Variants in DMXL2 observed in about 807,000 individuals in gnomAD.
DMXL2 encodes Dmx like 2, also known as dmX-like protein 2.
DMXL2 carries 103 observed loss-of-function variants against 331.1 expected under a neutral mutation model. The observed-to-expected ratio is 0.31, with a 90% CI of 0.27 to 0.37. The LOEUF (loss-of-function observed/expected upper bound fraction) is 0.37. Among genes scored for constraint, DMXL2 ranks in the 10% least tolerant of loss-of-function variants. The pLI is 1.00. For missense variants in DMXL2, 3,171 were observed against 3,642.9 expected (o/e 0.87, Z 3.33); for synonymous variants, 1,281 against 1,252.1 (o/e 1.02, Z -0.49).
chr15:51,569,719 C>G (rs954053192), intron 2 of DMXL2, among the ~76,000 whole-genome samples: 1 of 152,196 alleles, frequency 6.6e-6, no homozygotes, highest in East Asian at 1.9e-4. Flanking sequence ...CAAACTCTAG[C>G]AGACCTGCAG....
In DMXL2 at chr15:51,448,879, A is replaced by C; in HGVS notation, c.*105T>G. 4.8e-5 allele frequency: 55 copies of C among 1,153,438 alleles called. No homozygotes were observed. The highest frequency in any genetic ancestry group is 5.8e-5 in the Non-Finnish European group (47 of 805,458). The allele number at this position is 1,153,438 out of a possible 1,614,324, so 71.5% of individuals were successfully genotyped here. ...CTTGGGTCATATTCAAATTCTACAC[A>C]GAGATTCTCTGTTTTCAATACAACT... On this transcript the variant is annotated 3_prime_UTR_variant, in exon 44 of 44. Transcript: ENST00000560891.
At chr15:51,600,012 C>G (rs1009360988) in intron 1 of DMXL2, among the ~76,000 whole-genome samples, 10 of 152,194 alleles carry the variant, frequency 6.6e-5, no homozygotes, top group African/African-American at 2.4e-4. Context: ...TTCCCACTTT[C>G]TACACTTGTA....
intron 1 of DMXL2, among the ~76,000 whole-genome samples, chr15:51,592,511 G>A (rs2052452275): frequency 6.6e-6 from 1 of 152,166 alleles, no homozygotes; most frequent in African/African-American, 2.4e-5. Flanking sequence ...TTATCCAGGA[G>A]AACTTCCCCA....
At chr15:51,582,350 C>T (rs556521309) in intron 1 of DMXL2, among the ~76,000 whole-genome samples, 5 of 152,224 alleles carry the variant, frequency 3.3e-5, no homozygotes, top group African/African-American at 7.2e-5. Flanking sequence ...TCTATCGTTT[C>T]GTTTTCTGTT....
chr15:51,524,162 G>T (rs1447791821), intron 13 of DMXL2, among the ~76,000 whole-genome samples: 3 of 152,190 alleles, frequency 2.0e-5, no homozygotes, highest in Non-Finnish European at 4.4e-5. Flanking sequence ...AATCAAACTA[G>T]AAATCAGTAA....
At chr15:51,577,312 G>A (rs1237020797) in intron 1 of DMXL2, among the ~76,000 whole-genome samples, 1 of 152,058 alleles carries the variant, frequency 6.6e-6, no homozygotes, top group Admixed American at 6.6e-5. Context: ...TCCATATAAG[G>A]CTGCTAATGA....
chr15:51,505,846 C>G (rs1417234587), intron 16 of DMXL2, among the ~76,000 whole-genome samples: 1 of 152,122 alleles, frequency 6.6e-6, no homozygotes, highest in Non-Finnish European at 1.5e-5. Context: ...TCTTACAACT[C>G]AAATATTTTG....
chr15:51,469,916 A>C (rs983822174), intron 29 of DMXL2, among the ~76,000 whole-genome samples: 7 of 152,170 alleles, frequency 4.6e-5, no homozygotes, highest in Non-Finnish European at 8.8e-5. Flanking sequence ...GTAAACCTGG[A>C]AATCTGCACT....
chr15:51,492,367 C>T (rs2042870789), intron 19 of DMXL2, among the ~76,000 whole-genome samples: 1 of 152,216 alleles, frequency 6.6e-6, no homozygotes, highest in Non-Finnish European at 1.5e-5. Context: ...GTAAGAGTTC[C>T]AGAAAATAAT....
Position 51,535,658 on chromosome 15 carries a change from C to A in DMXL2, c.2436+5G>T. The stretch of plus-strand genomic sequence containing the variant: ...ATAAATTAATAAAGATTATTAAATA[C>A]TTACTGAAGATTCTGGGTCTGACAA... On this transcript the variant is annotated splice_donor_5th_base_variant and intron_variant, in intron 13 of 43. Transcript: ENST00000560891. 6.3e-7 allele frequency: 1 copy of A among 1,587,986 alleles called. No individual in the cohort carries two copies. The highest frequency in any genetic ancestry group is 1.2e-5 in the South Asian group (1 of 86,186).
intron 9 of DMXL2, among the ~76,000 whole-genome samples, chr15:51,541,408 A>G (rs2048587533): frequency 6.6e-6 from 1 of 152,128 alleles, no homozygotes; most frequent in South Asian, 2.1e-4. Context: ...AATATTTTTC[A>G]TTATTTTTTA....
intron 7 of DMXL2, among the ~76,000 whole-genome samples, chr15:51,546,782 A>G (rs544822239): frequency 4.6e-5 from 7 of 152,276 alleles, no homozygotes; most frequent in African/African-American, 1.7e-4. Flanking sequence ...TTTTCAGAGT[A>G]CATTATATGC....
At chr15:51,587,415 A>G (rs1029429752) in intron 1 of DMXL2, among the ~76,000 whole-genome samples, 4 of 151,614 alleles carry the variant, frequency 2.6e-5, no homozygotes, top group African/African-American at 4.9e-5. Context: ...GAGAATATGC[A>G]GTGTTTGGTT....
At chr15:51,481,668 T>C (rs761045099) in intron 23 of DMXL2, 45 bp from the exon 24 acceptor site, 6 of 1,471,942 alleles carry the variant, frequency 4.1e-6, no homozygotes, top group Non-Finnish European at 5.5e-6. Flanking sequence ...TGTGTTAATA[T>C]GTATTTACAT....
At chr15:51,618,884 C>T (rs928620295) in intron 1 of DMXL2, among the ~76,000 whole-genome samples, 1 of 152,026 alleles carries the variant, frequency 6.6e-6, no homozygotes, top group Admixed American at 6.6e-5. Flanking sequence ...TTATAAATTC[C>T]CTAAGAGTGC....
intron 6 of DMXL2, among the ~76,000 whole-genome samples, chr15:51,562,387 C>A (rs566090730): frequency 6.6e-6 from 1 of 152,100 alleles, no homozygotes; most frequent in South Asian, 2.1e-4. Flanking sequence ...TCTTCAGGAA[C>A]CTATTGGGGG....
chr15:51,517,793 T>C (rs1596090479), intron 13 of DMXL2, among the ~76,000 whole-genome samples: 1 of 152,256 alleles, frequency 6.6e-6, no homozygotes, highest in South Asian at 2.1e-4. Context: ...ATAAGAGGGG[T>C]TAGAGGCTAG....
chr15:51,600,453 C>T (rs1159391692), intron 1 of DMXL2, among the ~76,000 whole-genome samples: 1 of 152,228 alleles, frequency 6.6e-6, no homozygotes, highest in South Asian at 2.1e-4. Context: ...CACCCTGGAC[C>T]CCAGTAAAGG....
At chr15:51,574,660 A>G (rs548940129) in intron 2 of DMXL2, among the ~76,000 whole-genome samples, 1 of 152,328 alleles carries the variant, frequency 6.6e-6, no homozygotes, top group East Asian at 1.9e-4. Flanking sequence ...GAAAGTTATC[A>G]CCACAAGGAC....
Sources: gnomAD v4.1 joint callset for allele counts (sites outside exome capture counted in the v4.1 genomes callset) on GRCh38, gnomAD v4.1.1 for gene constraint, MANE v1.5 for transcripts, NCBI Gene and HGNC (gene_info 2026-07-23, HGNC 2026-07-21) for gene names.